EP400: variants seen among roughly 807,000 people sequenced by gnomAD.
EP400 encodes E1A binding protein p400.
Under a neutral mutation model 354.1 loss-of-function variants are expected in EP400, and 105 were observed. The observed-to-expected ratio is 0.30, with a 90% CI of 0.25 to 0.35. EP400 has a LOEUF of 0.35. Among genes scored for constraint, EP400 ranks in the 10% least tolerant of loss-of-function variants. The probability of loss-of-function intolerance (pLI) is 1.00; values close to 1 mark genes in which losing one functional copy is unlikely to be tolerated. For synonymous variants in EP400, 1,646 were observed against 1,716.9 expected, an observed-to-expected ratio of 0.96 and a Z score of 1.02; for missense variants, 3,280 against 4,121.0, an observed-to-expected ratio of 0.80 and a Z score of 5.59.
In EP400 at chr12:132,069,661, A is replaced by AGG. The variant is rs1334042085; in HGVS notation, c.9021+22_9021+23dup. The AGG allele has an allele frequency of 1.9e-6, 3 of 1,612,574 alleles. No homozygotes were observed. In the African/African-American group the frequency reaches 4.0e-5, roughly 22 times the overall value. On this transcript the variant is annotated intron_variant, in intron 51 of 52. Transcript: ENST00000389561. Reference sequence around the variant, plus strand: ...ATCCAGGTGAGCGGGGAACAGGGTGAGGGCCCGAGTGTCAGGAGTGGGTGC... The same window carrying AGG: ...ATCCAGGTGAGCGGGGAACAGGGTGAGGGGGCCCGAGTGTCAGGAGTGGGTGC...
chr12:132,054,601 A>G lies in EP400; in HGVS notation c.7729-373A>G, dbSNP rs1318179415. ...TGGTCATAAGAAGAACAAAACAGCAAGTACAGAGGCCCTGAGCTTGGCTGA... is the reference window on the plus strand; with the variant it reads ...TGGTCATAAGAAGAACAAAACAGCAGGTACAGAGGCCCTGAGCTTGGCTGA... On this transcript the variant is annotated intron_variant, in intron 43 of 52. Coordinates refer to ENST00000389561, the MANE Select transcript of EP400 (RefSeq NM_015409.5). This position sits in a 1 kb window ranked among gnomAD's most constrained non-coding sequence, Gnocchi z 4.0. 1.3e-5 allele frequency among the ~76,000 whole-genome samples: 2 copies of G among 152,218 alleles called. No homozygotes were observed. The highest frequency in any genetic ancestry group is 1.5e-5 in the Non-Finnish European group (1 of 68,048).
intron 47 of EP400, 81 bp downstream of exon 47, chr12:132,062,782 AT>A (rs1895750001): frequency 6.4e-7 from 1 of 1,558,644 alleles, no homozygotes. Context: ...GCCTGCTTGC[AT>A]GGTGCAGTCC....
In EP400 at chr12:131,979,729, C is replaced by T. The variant is rs140869465; in HGVS notation, c.1371C>T (p.Ala457=). 186 of 1,609,258 alleles carry T rather than the reference C, an allele frequency of 1.2e-4. No homozygotes were observed. Among genetic ancestry groups the T allele is most frequent in the African/African-American group, 1.3e-4 (10 of 74,544 alleles). The change falls in exon 3 of 53, where the codon GCC becomes GCT. Residue 457 remains alanine (A), a synonymous_variant. Coordinates refer to ENST00000389561, the MANE Select transcript of EP400 (RefSeq NM_015409.5). ...QALAGSLVAG[A]GSTVETDLFK... ...TCGCAGGGAGCCTGGTAGCAGGGGC[C>T]GGAAGCACAGTAGAGACGGACCTGT...
In EP400 at chr12:132,053,496, C is replaced by T. The variant is rs768768361; in HGVS notation, c.7627C>T (p.Gln2543Ter). ...SQPPAGPPAV[Q>*]PQPQPQPQTQ... ...GCCGCCAGCAGGGCCACCAGCTGTC[C>T]AGCCCCAACCCCAGCCACAGCCCCA... Residue 2543 changes from glutamine (Q) to a stop codon, truncating the protein, a stop_gained, in exon 43 of 53, where the codon CAG becomes TAG. Coordinates refer to ENST00000389561, the MANE Select transcript of EP400 (RefSeq NM_015409.5). LOFTEE classifies it high-confidence loss of function. The T allele has an allele frequency of 6.5e-7, 1 of 1,537,906 alleles. No individual in the cohort carries two copies. The highest frequency in any genetic ancestry group is 8.7e-7 in the Non-Finnish European group (1 of 1,148,124).
intron 6 of EP400, among the ~76,000 whole-genome samples, 167 bp from the exon 7 acceptor site, chr12:131,987,538 T>G (rs906732091): frequency 3.3e-5 from 5 of 152,308 alleles, no homozygotes; most frequent in East Asian, 1.9e-4. Context: ...CTTTGACCTT[T>G]GTGTTCGAAT....
At chr12:131,997,935 C>T (rs1177751082) in intron 12 of EP400, among the ~76,000 whole-genome samples, 1 of 152,198 alleles carries the variant, frequency 6.6e-6, no homozygotes, top group Non-Finnish European at 1.5e-5. Context: ...ATCTTGTTCA[C>T]AAAGATATAT....
chr12:132,004,823 C>T (rs1893527236), intron 12 of EP400, among the ~76,000 whole-genome samples: 1 of 152,200 alleles, frequency 6.6e-6, no homozygotes, highest in Non-Finnish European at 1.5e-5. Context: ...CATCATTCCC[C>T]TTGCATCCCC....
rs150439516 is a variant in EP400 at position 132,064,762 on chromosome 12, A to C, written c.8429A>C (p.Gln2810Pro). Residue 2810 changes from glutamine (Q) to proline (P), a missense_variant, in exon 48 of 53, where the codon CAA becomes CCA. Transcript: ENST00000389561. Reference protein sequence around the residue: ...AQSAPPQPTAQVQVQTSQPPQ... With the variant: ...AQSAPPQPTAPVQVQTSQPPQ... The stretch of plus-strand genomic sequence containing the variant: ...TCTGCGCCCCCGCAGCCAACAGCCC[A>C]AGTGCAAGTGCAGACCTCGCAGCCG... 3.2e-4 allele frequency: 513 copies of C among 1,613,656 alleles called. 3 individuals are homozygous for C. The Middle Eastern group carries it at 7.9e-3, about 25-fold the overall frequency.
intron 1 of EP400, among the ~76,000 whole-genome samples, chr12:131,957,822 CTG>C (rs1225586665): frequency 6.6e-6 from 1 of 152,130 alleles, no homozygotes; most frequent in African/African-American, 2.4e-5. Context: ...TGTCGAACTC[CTG>C]ACCTCCAGTG....
chr12:132,009,399 G>A (rs1382201302), intron 15 of EP400, among the ~76,000 whole-genome samples: 1 of 152,142 alleles, frequency 6.6e-6, no homozygotes, highest in Non-Finnish European at 1.5e-5. Flanking sequence ...ACCCCACACT[G>A]GTACAGATGA....
chr12:132,076,602 C>T lies in EP400; in HGVS notation c.9099+9C>T. 2 of 1,603,418 alleles carry T rather than the reference C, an allele frequency of 1.2e-6. No individual in the cohort carries two copies. The highest frequency in any genetic ancestry group is 1.7e-6 in the Non-Finnish European group (2 of 1,172,526). On this transcript the variant is annotated intron_variant, in intron 52 of 52. Transcript: ENST00000389561. ...CCTCTGCTTCCCAGCAGGTAGGACGCATAGACAAAGTGGAAACCTCACATT... is the reference window on the plus strand; with the variant it reads ...CCTCTGCTTCCCAGCAGGTAGGACGTATAGACAAAGTGGAAACCTCACATT...
At chr12:132,064,430 T>C (rs976781254) in intron 47 of EP400, among the ~76,000 whole-genome samples, 3 of 152,248 alleles carry the variant, frequency 2.0e-5, no homozygotes, top group Admixed American at 1.3e-4. Flanking sequence ...TTCTTTTTGC[T>C]ATGAACTTAT....
In EP400 at chr12:131,997,066, GA is replaced by G. The variant is rs370667803; in HGVS notation, c.2827+2119del. The stretch of plus-strand genomic sequence containing the variant: ...AATGTTGTTTTATTATAGCCATGAG[GA>G]AAAAAAAATTGGTTTTGTTATACAG... On this transcript the variant is annotated intron_variant, in intron 12 of 52. Coordinates refer to ENST00000389561, the MANE Select transcript of EP400 (RefSeq NM_015409.5). Among the ~76,000 whole-genome samples the G allele has an allele frequency of 1.2e-3, 180 of 151,094 alleles. 1 individual carries two copies. The highest frequency in any genetic ancestry group is 4.1e-3 in the African/African-American group (171 of 41,248).
At chr12:132,056,017 C>A (rs115073625) in intron 45 of EP400, among the ~76,000 whole-genome samples, 2 of 151,776 alleles carry the variant, frequency 1.3e-5, no homozygotes, top group Admixed American at 6.6e-5. Flanking sequence ...TTCTACGGAA[C>A]GTGGAGACCC....
intron 1 of EP400, among the ~76,000 whole-genome samples, chr12:131,958,928 G>T (rs1891789770): frequency 6.6e-6 from 1 of 152,220 alleles, no homozygotes. Flanking sequence ...GTTTGTCTTG[G>T]AGTAAGCAAG....
rs1247506395 is a variant in EP400, at chr12:132,054,736, G to A, written c.7729-238G>A. On this transcript the variant is annotated intron_variant, in intron 43 of 52. Transcript: ENST00000389561. The surrounding 1 kb of genome is among the most constrained non-coding windows in gnomAD (Gnocchi z 4.0). Reference sequence around the variant, plus strand: ...GGAGGGACAGTGGGGTGAGGGTGGAGGGACAGTGGGATGGAGGGTCCCTGG... The same window carrying A: ...GGAGGGACAGTGGGGTGAGGGTGGAAGGACAGTGGGATGGAGGGTCCCTGG... 1.3e-5 allele frequency among the ~76,000 whole-genome samples: 2 copies of A among 151,786 alleles called. No homozygotes were observed. Among genetic ancestry groups the A allele is most frequent in the Non-Finnish European group, 2.9e-5 (2 of 67,892 alleles).
At position 132,043,426 on chromosome 12, in the gene EP400, A is replaced by T. The variant is rs1372675370; in HGVS notation, c.6330A>T (p.Pro2110=). ...DSENMPCDEE[P]SQLEELADFM... ...AGAACATGCCGTGTGATGAAGAACCATCCCAATTAGAGGAGCTAGCTGACT... is the reference window on the plus strand; with the variant it reads ...AGAACATGCCGTGTGATGAAGAACCTTCCCAATTAGAGGAGCTAGCTGACT... The change falls in exon 33 of 53, where the codon CCA becomes CCT. Residue 2110 remains proline (P), a synonymous_variant. Coordinates refer to ENST00000389561, the MANE Select transcript of EP400 (RefSeq NM_015409.5). 2 of 1,613,328 alleles carry T rather than the reference A, an allele frequency of 1.2e-6. No homozygotes were observed. Among genetic ancestry groups the T allele is most frequent in the Admixed American group, 1.7e-5 (1 of 60,010 alleles).
chr12:132,040,394 G>T (rs1894858543), intron 32 of EP400, among the ~76,000 whole-genome samples: 1 of 152,124 alleles, frequency 6.6e-6, no homozygotes, highest in African/African-American at 2.4e-5. Flanking sequence ...AAATTAGCGT[G>T]TAGGAGAGGC....
intron 1 of EP400, among the ~76,000 whole-genome samples, chr12:131,953,213 A>G (rs1055104562): frequency 3.3e-5 from 5 of 152,222 alleles, no homozygotes; most frequent in African/African-American, 7.2e-5. Context: ...GGAGGCAATT[A>G]GGAGAGAAAC....
Sources: gnomAD v4.1 joint callset for allele counts (sites outside exome capture counted in the v4.1 genomes callset) on GRCh38, gnomAD v4.1.1 for gene constraint, Gnocchi (gnomAD v3.1) non-coding constraint, MANE v1.5 for transcripts, NCBI Gene and HGNC (gene_info 2026-07-23, HGNC 2026-07-21) for gene names.